DMD: variants seen among roughly 807,000 people sequenced by gnomAD.
DMD encodes the protein mutant dystrophin.
A neutral mutation model predicts 330.1 loss-of-function variants in DMD; 63 were observed. The ratio of observed to expected loss-of-function variants is 0.19; its 90% confidence interval spans 0.16 to 0.24. DMD has a LOEUF of 0.24. Among genes scored for constraint, DMD ranks in the 10% least tolerant of loss-of-function variants. DMD has a pLI of 1.00. For synonymous variants in DMD, 1,223 were observed against 959.8 expected (o/e 1.27, Z -5.07); for missense variants, 3,344 against 2,684.1 (o/e 1.25, Z -5.43).
chrX:31,654,143 T>G (rs180700632), intron 54 of DMD, among the ~76,000 whole-genome samples: 1 of 112,401 alleles, frequency 8.9e-6, no homozygotes, highest in African/African-American at 3.2e-5. Flanking sequence ...AACATGGCAG[T>G]GTCTGATATC....
intron 60 of DMD, among the ~76,000 whole-genome samples, chrX:31,384,308 T>A (rs1175284875): frequency 2.8e-5 from 2 of 71,624 alleles, no homozygotes; most frequent in Non-Finnish European, 5.3e-5. Flanking sequence ...ATATCCTGCT[T>A]CACTACTACT....
At chrX:32,330,229 CTTAA>C (rs1184695492) in intron 41 of DMD, among the ~76,000 whole-genome samples, 1 of 111,691 alleles carries the variant, frequency 9.0e-6, no homozygotes, top group African/African-American at 3.2e-5. Context: ...TTAAACAAAC[CTTAA>C]TTATTTCAAA....
At chrX:32,196,388 CTT>C (rs2097000387) in intron 44 of DMD, among the ~76,000 whole-genome samples, 2 of 112,143 alleles carry the variant, frequency 1.8e-5, no homozygotes, top group African/African-American at 6.5e-5. Context: ...GAGTTTCTGA[CTT>C]TTGCCAGCCA....
intron 15 of DMD, 128 bp from the exon 16 acceptor site, chrX:32,566,009 G>T (rs1188971487): frequency 1.7e-6 from 1 of 580,285 alleles, no homozygotes. Context: ...TGCCCGCAAA[G>T]GATCAAAAGT....
At position 32,114,471 on chromosome X, in the gene DMD, C is replaced by G. The variant is rs148952377; in HGVS notation, c.6438+102445G>C. 1.5e-3 allele frequency among the ~76,000 whole-genome samples: 165 copies of G among 112,055 alleles called. 1 individual carries two copies. In the East Asian group the frequency reaches 0.026, roughly 17 times the overall value. On this transcript the variant is annotated intron_variant, in intron 44 of 78. Transcript: ENST00000357033. The stretch of plus-strand genomic sequence containing the variant: ...TCACCTTATGCCTTTCCCCTAATAT[C>G]TTGTGTCTAATCATGTGAGACTTCT...
chrX:32,557,745 C>A (rs954376253), intron 16 of DMD, among the ~76,000 whole-genome samples: 2 of 110,936 alleles, frequency 1.8e-5, no homozygotes, highest in African/African-American at 3.3e-5. Flanking sequence ...TTGGGAGAAT[C>A]CTTGGGCAAA....
chrX:33,288,631 A>G (rs1481614360), intron 1 of DMD, among the ~76,000 whole-genome samples: 1 of 110,867 alleles, frequency 9.0e-6, no homozygotes, highest in Non-Finnish European at 1.9e-5. Flanking sequence ...TTCCTGCCTC[A>G]TTTCATGGCT....
At chrX:32,692,697 G>T (rs1232840463) in intron 9 of DMD, among the ~76,000 whole-genome samples, 1 of 111,765 alleles carries the variant, frequency 8.9e-6, no homozygotes, top group Non-Finnish European at 1.9e-5. Context: ...CTTTTACTCG[G>T]TATATTAACT....
intron 43 of DMD, among the ~76,000 whole-genome samples, chrX:32,236,841 A>C (rs2097189678): frequency 8.9e-6 from 1 of 112,410 alleles, no homozygotes; most frequent in African/African-American, 3.2e-5. Flanking sequence ...GCATCTATTC[A>C]TAAGTGTATT....
intron 43 of DMD, among the ~76,000 whole-genome samples, chrX:32,281,527 C>A (rs1429540551): frequency 8.9e-6 from 1 of 111,781 alleles, no homozygotes; most frequent in African/African-American, 3.2e-5. Flanking sequence ...TCAATGCAAG[C>A]AGCATCCACA....
chrX:32,717,357 C>T (rs983753550), intron 7 of DMD, among the ~76,000 whole-genome samples: 2 of 111,187 alleles, frequency 1.8e-5, no homozygotes, highest in African/African-American at 3.3e-5. Flanking sequence ...ACTAAAAAGG[C>T]CCCAGATGTG....
At chrX:32,629,154 C>G (rs773845759) in intron 11 of DMD, among the ~76,000 whole-genome samples, 3 of 111,654 alleles carry the variant, frequency 2.7e-5, no homozygotes, top group African/African-American at 9.7e-5. Context: ...GGGTCTATCT[C>G]TCTAACTCTA....
At chrX:32,549,443 G>C (rs773547689) in intron 16 of DMD, among the ~76,000 whole-genome samples, 94 of 111,435 alleles carry the variant, frequency 8.4e-4, no homozygotes, top group Middle Eastern at 4.6e-3. Flanking sequence ...GTCTTGAACA[G>C]GAAGCCCTTG....
chrX:32,112,951 CA>C (rs1170660974), intron 44 of DMD, among the ~76,000 whole-genome samples: 2 of 112,237 alleles, frequency 1.8e-5, no homozygotes, highest in African/African-American at 6.5e-5. Context: ...GCTATTATAG[CA>C]GGAGAAACTC....
chrX:33,009,517 T>C (rs189187622), intron 2 of DMD, among the ~76,000 whole-genome samples: 1 of 81,253 alleles, frequency 1.2e-5, no homozygotes, highest in African/African-American at 6.0e-5. Context: ...TATATACACA[T>C]ATGTGTGTAT....
At chrX:32,023,582 T>C (rs373347447) in intron 44 of DMD, among the ~76,000 whole-genome samples, 4 of 112,207 alleles carry the variant, frequency 3.6e-5, no homozygotes, top group South Asian at 3.7e-4. Flanking sequence ...ATATGTTAAA[T>C]TGACATAAAT....
At chrX:31,811,729 T>C (rs2092462418) in intron 50 of DMD, among the ~76,000 whole-genome samples, 1 of 111,729 alleles carries the variant, frequency 9.0e-6, no homozygotes, top group South Asian at 3.8e-4. Flanking sequence ...GTAAGTGTTT[T>C]TAGCAGAGAA....
intron 7 of DMD, among the ~76,000 whole-genome samples, chrX:32,793,709 A>G (rs941190734): frequency 4.5e-5 from 5 of 111,948 alleles, no homozygotes; most frequent in African/African-American, 1.6e-4. Context: ...GATCAAGAAG[A>G]AATAGAAAAT....
intron 20 of DMD, among the ~76,000 whole-genome samples, chrX:32,485,898 C>T (rs769809354): frequency 9.3e-6 from 1 of 108,077 alleles, no homozygotes; most frequent in South Asian, 4.1e-4. Context: ...TGCCCGCTAC[C>T]GTGTCCAGCA....
Sources: gnomAD v4.1 joint callset for allele counts (sites outside exome capture counted in the v4.1 genomes callset) on GRCh38, gnomAD v4.1.1 for gene constraint, MANE v1.5 for transcripts, NCBI Gene and HGNC (gene_info 2026-07-23, HGNC 2026-07-21) for gene names.